PRKD3: variants seen among roughly 807,000 people sequenced by gnomAD.
PRKD3 encodes the protein protein kinase D3.
A neutral mutation model predicts 99.2 loss-of-function variants in PRKD3; 47 were observed. The ratio of observed to expected loss-of-function variants is 0.47; its 90% CI spans 0.38 to 0.60. The LOEUF (loss-of-function observed/expected upper bound fraction) is 0.60. PRKD3 is among the 20% of genes least tolerant of loss of function. PRKD3 has a pLI of 0.00. For missense variants in PRKD3, 1,019 were observed against 1,088.4 expected, an observed-to-expected ratio of 0.94 and a Z score of 0.90; for synonymous variants, 392 against 355.4, an observed-to-expected ratio of 1.10 and a Z score of -1.16.
At chr2:37,277,685 T>A (rs1669643552) in intron 9 of PRKD3, among the ~76,000 whole-genome samples, 181 bp downstream of exon 9, 1 of 152,214 alleles carries the variant, frequency 6.6e-6, no homozygotes, top group Non-Finnish European at 1.5e-5. Flanking sequence ...ATACATTAAA[T>A]ATTCTGCCTG....
chr2:37,256,803 C>G lies in PRKD3; in HGVS notation c.2272G>C (p.Asp758His). The G allele has an allele frequency of 6.2e-7, 1 of 1,613,944 alleles. No homozygotes were observed. The highest frequency in any genetic ancestry group is 8.5e-7 in the Non-Finnish European group (1 of 1,179,992). The part of the protein sequence containing the change: ...LRSKGYNRSL[D>H]MWSVGVIIYV... ...ATGATAACTCCCACTGACCACATAT[C>G]TAGGGAACGGTTGTAACCTTTGCTC... Residue 758 changes from aspartate to histidine, a missense_variant, in exon 17 of 19, where the codon GAT becomes CAT. Physicochemically the swap from Asp to His is moderately conservative, Grantham distance 81. This residue lies in a region of PRKD3 where 184 missense variants were observed against 275.1 expected (regional missense o/e 0.67). Transcript: ENST00000234179.
chr2:37,310,226 C>A (rs1280459377), intron 2 of PRKD3, among the ~76,000 whole-genome samples: 1 of 152,148 alleles, frequency 6.6e-6, no homozygotes, highest in Non-Finnish European at 1.5e-5. Context: ...AGAGAGGGAC[C>A]TCGAAGTGTA....
intron 1 of PRKD3, chr2:37,324,381 C>A: frequency 4.6e-6 from 1 of 219,546 alleles, no homozygotes. Flanking sequence ...GCCCTCCGCG[C>A]GGACGCCGGA....
intron 14 of PRKD3, among the ~76,000 whole-genome samples, chr2:37,265,520 G>C (rs766441871): frequency 2.9e-4 from 44 of 151,930 alleles, no homozygotes; most frequent in Non-Finnish European, 5.4e-4. Flanking sequence ...CACACACACA[G>C]AGTGGGTCAG....
intron 1 of PRKD3, among the ~76,000 whole-genome samples, chr2:37,318,505 CACA>C (rs1671753474): frequency 4.6e-5 from 7 of 152,144 alleles, no homozygotes; most frequent in Non-Finnish European, 7.4e-5. Context: ...GTGCTGTCTC[CACA>C]AGAACACACT....
chr2:37,279,241 G>C (rs1669722978), intron 8 of PRKD3: 1 of 152,130 alleles, frequency 6.6e-6, no homozygotes, highest in African/African-American at 2.4e-5. Context: ...ATTTAGAATG[G>C]TTTTACAGTC....
chr2:37,272,381 A>G lies in PRKD3; in HGVS notation c.1703T>C (p.Val568Ala). The G allele has an allele frequency of 6.2e-7, 1 of 1,605,530 alleles. No homozygotes were observed. Among genetic ancestry groups the G allele is most frequent in the Non-Finnish European group, 8.5e-7 (1 of 1,177,680 alleles). Residue 568 changes from valine to alanine, a missense_variant and splice_region_variant, in exon 12 of 19, where the codon GTG becomes GCG. By Grantham distance (64) the Val-to-Ala change is moderately conservative (BLOSUM62 0). This residue lies in a region of PRKD3 where 710 missense variants were observed against 692.7 expected (regional missense o/e 1.02). Coordinates refer to ENST00000234179, the MANE Select transcript of PRKD3 (RefSeq NM_005813.6). Reference sequence around the variant, plus strand: ...ACATTAGCTATAACGATTACTTACCACATTCTCCTGAATCTGACAATTAGA... The same window carrying G: ...ACATTAGCTATAACGATTACTTACCGCATTCTCCTGAATCTGACAATTAGA... ...SVSNCQIQENVDISTVYQIFA... is the reference protein window; with the variant it reads ...SVSNCQIQENADISTVYQIFA...
intron 2 of PRKD3, among the ~76,000 whole-genome samples, chr2:37,313,954 T>C (rs80121080): frequency 2.6e-5 from 4 of 152,034 alleles, no homozygotes; most frequent in Non-Finnish European, 2.9e-5. Context: ...AAAAATTATA[T>C]TGAAAAAGGG....
chr2:37,282,059 G>A (rs1157545538), intron 7 of PRKD3, among the ~76,000 whole-genome samples: 1 of 152,182 alleles, frequency 6.6e-6, no homozygotes, highest in Non-Finnish European at 1.5e-5. Context: ...TTAACTTCCA[G>A]CTCTGCCACC....
intron 16 of PRKD3, 37 bp downstream of exon 16, chr2:37,259,546 G>T: frequency 6.7e-7 from 1 of 1,487,970 alleles, no homozygotes. Flanking sequence ...TGAAAATGTT[G>T]CCAGAATCAT....
Position 37,317,196 on chromosome 2 carries a change from T to A in PRKD3, c.-655-17A>T. 1.1e-6 allele frequency: 1 copy of A among 895,836 alleles called. No homozygotes were observed. Among genetic ancestry groups the A allele is most frequent in the Non-Finnish European group, 1.3e-6 (1 of 748,228 alleles). The allele number at this position is 895,836 out of a possible 1,614,324, so 55.5% of individuals were successfully genotyped here. On this transcript the variant is annotated splice_polypyrimidine_tract_variant and intron_variant, in intron 1 of 18. Transcript: ENST00000234179. ...ATAGTTAGCCTGGAAGGAAATTTTT[T>A]AAAGGTTTTTAATACTTTATATTCA...
intron 6 of PRKD3, among the ~76,000 whole-genome samples, chr2:37,285,376 T>A (rs1251528091): frequency 6.6e-6 from 1 of 152,220 alleles, no homozygotes; most frequent in African/African-American, 2.4e-5. Flanking sequence ...AGAGATGTTT[T>A]GAGAATACTA....
Position 37,254,229 on chromosome 2 carries a change from T to C in PRKD3, c.2474A>G (p.Lys825Arg), listed in dbSNP as rs1431354930. 5 of 1,612,848 alleles carry C rather than the reference T, an allele frequency of 3.1e-6. No homozygotes were observed. The highest frequency in any genetic ancestry group is 1.7e-4 in the Middle Eastern group (1 of 6,054). Reference sequence around the variant, plus strand: ...CTGTAGCCAGGGATGACTAAGAGATTTGTCAACACTGTAACGTTTTCTCAT... The same window carrying C: ...CTGTAGCCAGGGATGACTAAGAGATCTGTCAACACTGTAACGTTTTCTCAT... ...VKMRKRYSVD[K>R]SLSHPWLQDY... is the part of the protein sequence containing the mutation. Residue 825 changes from lysine to arginine, a missense_variant, in exon 18 of 19, where the codon AAA becomes AGA. By Grantham distance (26) the Lys-to-Arg change is conservative. Transcript: ENST00000234179.
At chr2:37,258,751 C>T (rs113067697) in intron 16 of PRKD3, among the ~76,000 whole-genome samples, 187 of 152,214 alleles carry the variant, frequency 1.2e-3, no homozygotes, top group Non-Finnish European at 2.2e-3. Flanking sequence ...AAAAGCTGAA[C>T]GATTTTTAAT....
intron 10 of PRKD3, 47 bp downstream of exon 10, chr2:37,275,720 C>A (rs1207149360): frequency 6.6e-7 from 1 of 1,518,174 alleles, no homozygotes; most frequent in Non-Finnish European, 8.9e-7. Flanking sequence ...CTGAAAAAAA[C>A]ATACACTATC....
At chr2:37,300,250 A>G (rs2160392) in intron 2 of PRKD3, among the ~76,000 whole-genome samples, 107,078 of 152,042 alleles carry the variant, frequency 0.7, 38,341 homozygotes, top group East Asian at 0.98. Context: ...ATAACATTTC[A>G]GTTGGTGAAA....
In PRKD3 at chr2:37,254,192, ATT is replaced by A; in HGVS notation, c.2499+10_2499+11del. ...ATGAGGATTGCCAAAGAGAGATTAC[ATT>A]TTTTTTTACCTGTAGCCAGGGATGA... is the stretch of plus-strand genomic sequence containing the variant. On this transcript the variant is annotated intron_variant, in intron 18 of 18. Transcript: ENST00000234179. The A allele has an allele frequency of 6.4e-7, 1 of 1,554,808 alleles. No individual in the cohort carries two copies. Among genetic ancestry groups the A allele is most frequent in the Non-Finnish European group, 8.8e-7 (1 of 1,131,182 alleles).
chr2:37,307,242 C>T (rs1309948111), intron 2 of PRKD3, among the ~76,000 whole-genome samples: 2 of 152,180 alleles, frequency 1.3e-5, no homozygotes, highest in Non-Finnish European at 2.9e-5. Flanking sequence ...GAGACTATAA[C>T]ATTTGCCAGT....
chr2:37,270,712 A>G (rs533574503), intron 12 of PRKD3, among the ~76,000 whole-genome samples: 1 of 152,278 alleles, frequency 6.6e-6, no homozygotes, highest in Non-Finnish European at 1.5e-5. Context: ...TTGTAATTAA[A>G]ATTTTAAGGT....
Sources: allele counts gnomAD v4.1 joint callset (sites outside exome capture counted in the v4.1 genomes callset), GRCh38; gene constraint gnomAD v4.1.1; regional missense constraint gnomAD v4.1.1; transcripts MANE v1.5; gene names NCBI Gene and HGNC (gene_info 2026-07-23, HGNC 2026-07-21).